The following VTI1A variants were observed in gnomAD, a reference collection of about 807,000 sequenced individuals.
VTI1A encodes vesicle transport through interaction with t-SNAREs homolog 1A.
A neutral mutation model predicts 34.9 loss-of-function variants in VTI1A; 22 were observed. That is an observed-to-expected ratio of 0.63 (90% CI 0.45 to 0.90). The LOEUF is 0.90. VTI1A is among the 40% of genes least tolerant of loss of function. The probability of loss-of-function intolerance (pLI) is 0.00; values close to 1 mark genes in which losing one functional copy is unlikely to be tolerated. For missense variants in VTI1A, 268 were observed against 275.6 expected, an observed-to-expected ratio of 0.97 and a Z score of 0.20; for synonymous variants, 87 against 97.3, an observed-to-expected ratio of 0.89 and a Z score of 0.62.
intron 7 of VTI1A, among the ~76,000 whole-genome samples, chr10:112,735,331 A>G (rs1354722240): frequency 6.6e-6 from 1 of 152,258 alleles, no homozygotes; most frequent in Non-Finnish European, 1.5e-5. Context: ...CTACTCAAAC[A>G]TTTACCTATT....
At chr10:112,846,570 T>C in the VTI1A span, among the ~76,000 whole-genome samples, 127 of 152,074 alleles carry the variant, frequency 8.4e-4, 1 homozygote, top group South Asian at 9.1e-3. Context: ...ATCAAGACCA[T>C]CCTGGCCAAC....
chr10:112,730,948 T>C (rs1359961031), intron 7 of VTI1A, among the ~76,000 whole-genome samples: 1 of 152,192 alleles, frequency 6.6e-6, no homozygotes, highest in Non-Finnish European at 1.5e-5. Context: ...AGTTTATACC[T>C]GATGCCAAGA....
At chr10:112,830,689 G>A in the VTI1A span, among the ~76,000 whole-genome samples, 2 of 149,986 alleles carry the variant, frequency 1.3e-5, no homozygotes, top group African/African-American at 2.5e-5. Flanking sequence ...TCCTAAAACC[G>A]AGGAGATGGA....
At chr10:112,812,886 ACTTTGAACTTT>A in intron 7 of VTI1A, among the ~76,000 whole-genome samples, 1 of 152,150 alleles carries the variant, frequency 6.6e-6, no homozygotes, top group Admixed American at 6.5e-5. Context: ...GCTTGCTTCA[ACTTTGAACTTT>A]AACCTTTTCC....
intron 7 of VTI1A, among the ~76,000 whole-genome samples, chr10:112,746,647 T>C (rs11196087): frequency 0.15 from 22,952 of 152,172 alleles, 3,786 homozygotes; most frequent in African/African-American, 0.41. Context: ...CCTGACCTTA[T>C]AGACAAATGT....
At chr10:112,629,577 C>A (rs568366980) in intron 5 of VTI1A, among the ~76,000 whole-genome samples, 9 of 152,314 alleles carry the variant, frequency 5.9e-5, no homozygotes, top group African/African-American at 2.2e-4. Context: ...CTTTGAGGAA[C>A]GAGTGTGAAA....
the VTI1A span, among the ~76,000 whole-genome samples, chr10:112,841,336 G>A: frequency 1.3e-5 from 2 of 152,170 alleles, no homozygotes; most frequent in Admixed American, 1.3e-4. Flanking sequence ...CATGTATGAA[G>A]GCTAGATGAG....
intron 7 of VTI1A, among the ~76,000 whole-genome samples, chr10:112,729,156 G>T (rs1850155278): frequency 1.3e-5 from 2 of 152,078 alleles, no homozygotes; most frequent in African/African-American, 2.4e-5. Flanking sequence ...ATGGAAATTG[G>T]CCACAGCACT....
intron 7 of VTI1A, among the ~76,000 whole-genome samples, chr10:112,807,327 G>A (rs372821945): frequency 2.0e-5 from 3 of 152,192 alleles, no homozygotes; most frequent in African/African-American, 2.4e-5. Context: ...TCATAGTTGC[G>A]AAGACTAGAA....
chr10:112,631,564 G>A (rs944926649), intron 5 of VTI1A, among the ~76,000 whole-genome samples: 1 of 152,164 alleles, frequency 6.6e-6, no homozygotes, highest in African/African-American at 2.4e-5. Context: ...ATGTTTTTGA[G>A]GTCCATTTAC....
At chr10:112,503,272 A>G (rs1849308305) in intron 3 of VTI1A, among the ~76,000 whole-genome samples, 1 of 152,076 alleles carries the variant, frequency 6.6e-6, no homozygotes, top group Admixed American at 6.5e-5. Context: ...CCTCTCCCCC[A>G]TCCTTCTACG....
chr10:112,830,849 A>ATATATATATATATATATATATAT, the VTI1A span, among the ~76,000 whole-genome samples: 137 of 33,420 alleles, frequency 4.1e-3, no homozygotes, highest in South Asian at 8.0e-3. Context: ...ATATATATAT[A>ATATATATATATATATATATATAT]TTTTTTTTTT....
the VTI1A span, chr10:112,827,014 G>T: frequency 1.3e-5 from 2 of 152,144 alleles, no homozygotes; most frequent in African/African-American, 4.8e-5. Context: ...GAAAAATTAG[G>T]TGACTCCCAT....
chr10:112,842,051 CTTTTTTTTTTTTTTT>C, the VTI1A span, among the ~76,000 whole-genome samples: 6 of 66,616 alleles, frequency 9.0e-5, no homozygotes, highest in African/African-American at 2.5e-4. Flanking sequence ...TTTTTTTTTC[CTTTTTTTTTTTTTTT>C]TTTTTTTTTT....
At chr10:112,597,468 T>A (rs944074725) in intron 5 of VTI1A, among the ~76,000 whole-genome samples, 3 of 152,158 alleles carry the variant, frequency 2.0e-5, no homozygotes, top group African/African-American at 4.8e-5. Flanking sequence ...TCTGCCTGCC[T>A]CAGCCTCCCA....
At chr10:112,604,593 C>T (rs561956150) in intron 5 of VTI1A, among the ~76,000 whole-genome samples, 1 of 152,320 alleles carries the variant, frequency 6.6e-6, no homozygotes, top group African/African-American at 2.4e-5. Context: ...TTTGCTTCCA[C>T]ACAACCAGAT....
chr10:112,486,993 A>G (rs930501698), intron 3 of VTI1A, among the ~76,000 whole-genome samples: 1 of 152,150 alleles, frequency 6.6e-6, no homozygotes, highest in African/African-American at 2.4e-5. Flanking sequence ...AGATACTATC[A>G]CTATTTAATA....
chr10:112,450,968 C>T (rs1027521466), intron 1 of VTI1A, among the ~76,000 whole-genome samples: 6 of 152,140 alleles, frequency 3.9e-5, no homozygotes, highest in African/African-American at 1.2e-4. Context: ...TTCTGTTACA[C>T]GAAATAGGCT....
At chr10:112,452,296 C>T (rs541824570) in intron 1 of VTI1A, among the ~76,000 whole-genome samples, 26 of 152,226 alleles carry the variant, frequency 1.7e-4, no homozygotes, top group African/African-American at 2.2e-4. Context: ...TAGGGCCGGG[C>T]GCGGTGGCTC....
Sources: gnomAD v4.1 joint callset for allele counts (sites outside exome capture counted in the v4.1 genomes callset) on GRCh38, gnomAD v4.1.1 for gene constraint, MANE v1.5 for transcripts, NCBI Gene and HGNC (gene_info 2026-07-23, HGNC 2026-07-21) for gene names.